NHSL1: variants seen among roughly 807,000 people sequenced by gnomAD.
The protein encoded by NHSL1 is NHS-like protein 1.
A neutral mutation model predicts 95.0 loss-of-function variants in NHSL1; 48 were observed. That is an observed-to-expected ratio of 0.51 (90% CI 0.40 to 0.64). The LOEUF is 0.64. Among genes scored for constraint, NHSL1 ranks in the 30% least tolerant of loss-of-function variants. NHSL1 has a pLI of 0.00. For synonymous variants in NHSL1, 783 were observed against 833.9 expected (o/e 0.94, Z 1.05); for missense variants, 1,971 against 2,077.7 (o/e 0.95, Z 1.00).
At chr6:138,519,207 A>T (rs1042720114) in intron 1 of NHSL1, among the ~76,000 whole-genome samples, 2 of 151,696 alleles carry the variant, frequency 1.3e-5, no homozygotes, top group Non-Finnish European at 3.0e-5. Flanking sequence ...GTATAGTAAC[A>T]ACTAACAACT....
intron 1 of NHSL1, among the ~76,000 whole-genome samples, chr6:138,524,490 CTG>C (rs975682650): frequency 6.6e-6 from 1 of 152,162 alleles, no homozygotes; most frequent in Non-Finnish European, 1.5e-5. Flanking sequence ...TCACACTCTT[CTG>C]TGTTTGTGAG....
chr6:138,592,972 T>C (rs950459188), intron 1 of NHSL1, among the ~76,000 whole-genome samples: 10 of 152,192 alleles, frequency 6.6e-5, no homozygotes, highest in African/African-American at 2.4e-4. Flanking sequence ...TCATTTTCTG[T>C]TATGGACTTT....
intron 1 of NHSL1, among the ~76,000 whole-genome samples, chr6:138,570,067 T>C (rs1783783303): frequency 6.6e-6 from 1 of 152,222 alleles, no homozygotes. Context: ...AAGTCACATG[T>C]ACAGTATTTG....
At chr6:138,515,088 G>A (rs9495103) in intron 1 of NHSL1, among the ~76,000 whole-genome samples, 2,050 of 152,156 alleles carry the variant, frequency 0.013, 39 homozygotes, top group African/African-American at 0.047. Context: ...ACCACATCCT[G>A]GGCAGGATGG....
At chr6:138,659,276 C>A (rs1020246684) in intron 1 of NHSL1, among the ~76,000 whole-genome samples, 1 of 152,008 alleles carries the variant, frequency 6.6e-6, no homozygotes, top group Admixed American at 6.6e-5. Context: ...TCTCGAACTC[C>A]TGACCTCAGG....
intron 1 of NHSL1, among the ~76,000 whole-genome samples, chr6:138,672,980 G>A (rs1307845930): frequency 6.6e-6 from 1 of 152,168 alleles, no homozygotes; most frequent in African/African-American, 2.4e-5. Flanking sequence ...TCGCACCACT[G>A]CACTCCAATC....
At chr6:138,557,120 G>T (rs1180892624) in intron 1 of NHSL1, among the ~76,000 whole-genome samples, 1 of 152,154 alleles carries the variant, frequency 6.6e-6, no homozygotes, top group African/African-American at 2.4e-5. Flanking sequence ...AAAACACTGG[G>T]ATGGCCAAAT....
upstream of NHSL1, among the ~76,000 whole-genome samples, chr6:138,548,370 CTA>C (rs1782884427): frequency 6.6e-6 from 1 of 152,196 alleles, no homozygotes; most frequent in African/African-American, 2.4e-5. Flanking sequence ...CCAGTCATAT[CTA>C]TATGACTATC....
At chr6:138,609,195 G>A (rs917842668) in intron 1 of NHSL1, among the ~76,000 whole-genome samples, 9 of 152,176 alleles carry the variant, frequency 5.9e-5, no homozygotes, top group Non-Finnish European at 1.3e-4. Context: ...TGTTGCTTAG[G>A]CCTCCAAGGG....
chr6:138,627,561 A>G (rs1456473966), intron 1 of NHSL1, among the ~76,000 whole-genome samples: 5 of 152,232 alleles, frequency 3.3e-5, no homozygotes, highest in Non-Finnish European at 7.3e-5. Flanking sequence ...CATAGTATTC[A>G]AATATATCAG....
intron 1 of NHSL1, among the ~76,000 whole-genome samples, chr6:138,536,546 A>G (rs1246931387): frequency 6.7e-6 from 1 of 150,188 alleles, no homozygotes; most frequent in Non-Finnish European, 1.5e-5. Context: ...AATCATCTGC[A>G]TTCAATCTTT....
At chr6:138,632,092 C>T (rs1309721947) in intron 1 of NHSL1, among the ~76,000 whole-genome samples, 3 of 152,150 alleles carry the variant, frequency 2.0e-5, no homozygotes, top group East Asian at 1.9e-4. Flanking sequence ...CAGTACTGTC[C>T]GTGGGCCTGT....
At chr6:138,442,282 C>T (rs937650547) in intron 4 of NHSL1, among the ~76,000 whole-genome samples, 168 bp from the exon 5 acceptor site, 4 of 152,186 alleles carry the variant, frequency 2.6e-5, no homozygotes, top group African/African-American at 4.8e-5. Flanking sequence ...AGCACATTAT[C>T]ACAGTAAGGC....
At chr6:138,475,487 C>T (rs1779013496) in intron 2 of NHSL1, among the ~76,000 whole-genome samples, 1 of 152,098 alleles carries the variant, frequency 6.6e-6, no homozygotes, top group Non-Finnish European at 1.5e-5. Flanking sequence ...CTTGGCCTCC[C>T]AAAGTACTGG....
chr6:138,637,977 G>A (rs527324391), intron 1 of NHSL1, among the ~76,000 whole-genome samples: 76 of 152,210 alleles, frequency 5.0e-4, no homozygotes, highest in African/African-American at 1.7e-3. Flanking sequence ...AACCACAAAT[G>A]AATGGATTTT....
rs563697622 is a variant in NHSL1, at chr6:138,607,694, A to G, written c.96+84782T>C. 2.0e-4 allele frequency among the ~76,000 whole-genome samples: 30 copies of G among 152,340 alleles called. 1 individual carries two copies. The South Asian group carries it at 6.0e-3, about 31-fold the overall frequency. On this transcript the variant is annotated intron_variant, in intron 1 of 3. Coordinates refer to the NHSL1 transcript ENST00000491526. ...ATACATGCAAGGACCGCCAGGAGTC[A>G]TAATCGGAGTGGGGTTTCTTGTCAG...
At chr6:138,521,365 T>G (rs145340531) in intron 1 of NHSL1, among the ~76,000 whole-genome samples, 212 of 152,032 alleles carry the variant, frequency 1.4e-3, no homozygotes, top group African/African-American at 4.9e-3. Context: ...ACTTAAGAGG[T>G]TGAAGCGGGA....
chr6:138,664,264 G>A (rs1785266237), intron 1 of NHSL1, among the ~76,000 whole-genome samples: 1 of 152,132 alleles, frequency 6.6e-6, no homozygotes, highest in African/African-American at 2.4e-5. Flanking sequence ...TCATACTTAA[G>A]AGTTAGATCA....
chr6:138,673,202 T>C (rs893644509), intron 1 of NHSL1, among the ~76,000 whole-genome samples: 3 of 152,128 alleles, frequency 2.0e-5, no homozygotes, highest in Non-Finnish European at 4.4e-5. Context: ...TGTATGATAT[T>C]TTCTAATCAT....
Sources: allele counts gnomAD v4.1 joint callset (sites outside exome capture counted in the v4.1 genomes callset), GRCh38; gene constraint gnomAD v4.1.1; transcripts MANE v1.5; gene names NCBI Gene and HGNC (gene_info 2026-07-23, HGNC 2026-07-21).